The following CCSER1 variants were observed in gnomAD, a reference collection of about 807,000 sequenced individuals.
The protein encoded by CCSER1 is coiled-coil serine rich protein 1.
A neutral mutation model predicts 82.0 loss-of-function variants in CCSER1; 41 were observed. That is an observed-to-expected ratio of 0.50 (90% CI 0.39 to 0.65). The LOEUF (loss-of-function observed/expected upper bound fraction) is 0.65. CCSER1 is among the 30% of genes least tolerant of loss of function. CCSER1 has a pLI of 0.00. For missense variants in CCSER1, 1,119 were observed against 1,064.2 expected (o/e 1.05, Z -0.72); for synonymous variants, 414 against 383.9 (o/e 1.08, Z -0.92).
chr4:91,157,916 G>T (rs760182304), intron 10 of CCSER1, among the ~76,000 whole-genome samples: 2 of 151,910 alleles, frequency 1.3e-5, no homozygotes, highest in Non-Finnish European at 2.9e-5. Flanking sequence ...CATTTCTTCA[G>T]GCAATAAGAG....
At chr4:90,344,796 T>G (rs1012730159) in intron 3 of CCSER1, among the ~76,000 whole-genome samples, 1 of 152,134 alleles carries the variant, frequency 6.6e-6, no homozygotes, top group Non-Finnish European at 1.5e-5. Context: ...AATGAATGTA[T>G]GTGTGAATTG....
intron 6 of CCSER1, among the ~76,000 whole-genome samples, chr4:90,720,250 A>C (rs941723833): frequency 1.3e-5 from 2 of 151,660 alleles, no homozygotes; most frequent in Non-Finnish European, 2.9e-5. Flanking sequence ...CTGGACTTGG[A>C]ATTAGCCATT....
chr4:90,316,344 CA>C (rs1736158717), intron 3 of CCSER1, among the ~76,000 whole-genome samples: 1 of 152,070 alleles, frequency 6.6e-6, no homozygotes, highest in South Asian at 2.1e-4. Flanking sequence ...AGCCATTTTT[CA>C]ATTGTTTGCA....
chr4:91,109,820 T>G (rs545489720), intron 10 of CCSER1, among the ~76,000 whole-genome samples: 2 of 152,254 alleles, frequency 1.3e-5, no homozygotes, highest in East Asian at 1.9e-4. Flanking sequence ...ATTTAGGCAT[T>G]AATGGAGCCC....
chr4:91,539,461 AAG>A (rs1342669388), intron 10 of CCSER1, among the ~76,000 whole-genome samples: 1 of 152,194 alleles, frequency 6.6e-6, no homozygotes, highest in African/African-American at 2.4e-5. Context: ...TTTTCTGTAG[AAG>A]AGTTTTTAAG....
chr4:90,811,311 A>T (rs1011052043), intron 7 of CCSER1, among the ~76,000 whole-genome samples: 8 of 152,202 alleles, frequency 5.3e-5, no homozygotes, highest in African/African-American at 1.9e-4. Context: ...TGAAAGTCAA[A>T]AACTTGCAGC....
chr4:91,145,091 A>G (rs974940661), intron 10 of CCSER1, among the ~76,000 whole-genome samples: 1 of 152,056 alleles, frequency 6.6e-6, no homozygotes, highest in African/African-American at 2.4e-5. Context: ...GTGTCTGTCT[A>G]AGTCTTTTTG....
chr4:90,417,241 C>T lies in CCSER1; in HGVS notation c.1603+17112C>T, dbSNP rs148771276. ...AAATATAAAAAAAATTTAAAAAAAC[C>T]AATGCATTTAAATGCATGAACTTTT... is the stretch of plus-strand genomic sequence containing the variant. On this transcript the variant is annotated intron_variant, in intron 4 of 10. Transcript: ENST00000509176. Among the ~76,000 whole-genome samples the T allele has an allele frequency of 3.9e-3, 599 of 151,976 alleles. 4 individuals carry two copies. Among genetic ancestry groups the T allele is most frequent in the African/African-American group, 0.013 (547 of 41,440 alleles).
intron 10 of CCSER1, among the ~76,000 whole-genome samples, chr4:91,515,618 G>T (rs1172860462): frequency 6.6e-6 from 1 of 152,034 alleles, no homozygotes; most frequent in African/African-American, 2.4e-5. Flanking sequence ...TGGTCATTTA[G>T]GTTGATTCCA....
chr4:90,413,948 C>CAAAAAAA (rs570689214), intron 4 of CCSER1, among the ~76,000 whole-genome samples: 2 of 22,362 alleles, frequency 8.9e-5, no homozygotes, highest in Non-Finnish European at 1.8e-4. Flanking sequence ...GACACCGTCT[C>CAAAAAAA]AAAAAAAAAA....
At chr4:91,576,740 AT>A (rs759961189) in intron 10 of CCSER1, among the ~76,000 whole-genome samples, 1 of 151,998 alleles carries the variant, frequency 6.6e-6, no homozygotes, top group Non-Finnish European at 1.5e-5. Flanking sequence ...TTTTAAAAGT[AT>A]TTTAAATAAT....
intron 3 of CCSER1, chr4:90,325,779 A>G: frequency 6.7e-6 from 2 of 296,406 alleles, no homozygotes; most frequent in Non-Finnish European, 7.2e-6. Flanking sequence ...TGAAATTTAA[A>G]CACATTAAAT....
At chr4:90,395,230 A>ATGT (rs779597925) in intron 3 of CCSER1, among the ~76,000 whole-genome samples, 62 of 152,278 alleles carry the variant, frequency 4.1e-4, no homozygotes, top group South Asian at 1.0e-3. Context: ...ATGTTCATCC[A>ATGT]TGTTGTTGTA....
At chr4:90,369,190 T>G (rs9307083) in intron 3 of CCSER1, among the ~76,000 whole-genome samples, 28,001 of 107,706 alleles carry the variant, frequency 0.26, 4,345 homozygotes, top group African/African-American at 0.35. Flanking sequence ...GGACAAAGAT[T>G]AGGATGAGGA....
chr4:91,320,517 T>C (rs576674649), intron 10 of CCSER1, among the ~76,000 whole-genome samples: 2 of 152,196 alleles, frequency 1.3e-5, no homozygotes, highest in South Asian at 4.1e-4. Flanking sequence ...GCAATTACCT[T>C]GCTGTTTTCA....
At position 91,599,590 on chromosome 4, in the gene CCSER1, G is replaced by GTGTT. The variant is rs879578837; in HGVS notation, c.*537_*540dup. ...GCTTGCTTGCATGTAACCTAGAGAT[G>GTGTT]TGTTTGTCTCTATTACATACATTCA... On this transcript the variant is annotated 3_prime_UTR_variant, in exon 11 of 11. Transcript: ENST00000509176. The GTGTT allele has an allele frequency of 4.6e-5, 7 of 152,184 alleles. No homozygotes were observed. Among genetic ancestry groups the GTGTT allele is most frequent in the Admixed American group, 2.0e-4 (3 of 15,262 alleles). The allele number at this position is 152,184 out of a possible 1,614,324, so 9.4% of individuals were successfully genotyped here.
intron 9 of CCSER1, among the ~76,000 whole-genome samples, chr4:91,044,111 G>T (rs1198139877): frequency 6.6e-6 from 1 of 152,158 alleles, no homozygotes; most frequent in Non-Finnish European, 1.5e-5. Context: ...AAAAGTGTGT[G>T]GGGTCTGGGC....
At chr4:91,440,706 C>T (rs1348316085) in intron 10 of CCSER1, among the ~76,000 whole-genome samples, 15 of 151,938 alleles carry the variant, frequency 9.9e-5, no homozygotes, top group African/African-American at 3.6e-4. Context: ...GGATCAACAA[C>T]ATTGATAGAC....
intron 10 of CCSER1, among the ~76,000 whole-genome samples, chr4:91,101,712 G>C (rs1301574101): frequency 6.6e-6 from 1 of 151,402 alleles, no homozygotes; most frequent in Non-Finnish European, 1.5e-5. Context: ...AACAAATGAA[G>C]ACAAGATTGA....
Sources: gnomAD v4.1 joint callset for allele counts (sites outside exome capture counted in the v4.1 genomes callset) on GRCh38, gnomAD v4.1.1 for gene constraint, MANE v1.5 for transcripts, NCBI Gene and HGNC (gene_info 2026-07-23, HGNC 2026-07-21) for gene names.